The following ARHGEF11 variants were observed in gnomAD, a reference collection of about 807,000 sequenced individuals.
The protein encoded by ARHGEF11 is Rho guanine nucleotide exchange factor 11, also known as Rho guanine exchange factor (GEF) 11.
A neutral mutation model predicts 193.7 loss-of-function variants in ARHGEF11; 55 were observed. The observed-to-expected ratio is 0.28, with a 90% confidence interval of 0.23 to 0.36. ARHGEF11 has a LOEUF of 0.36. Ranked by LOEUF, ARHGEF11 falls within the 10% of genes least tolerant of loss-of-function variation. ARHGEF11 has a pLI of 1.00. For synonymous variants in ARHGEF11, 693 were observed against 768.0 expected (o/e 0.90, Z 1.62); for missense variants, 1,723 against 2,005.6 (o/e 0.86, Z 2.69).
intron 21 of ARHGEF11, among the ~76,000 whole-genome samples, chr1:156,954,195 T>C (rs1299506563): frequency 1.3e-5 from 2 of 151,728 alleles, no homozygotes; most frequent in African/African-American, 4.8e-5. Context: ...GCCTGGCCAA[T>C]ATGGTGAAAC....
chr1:157,024,289 G>A (rs1670375212), intron 1 of ARHGEF11, among the ~76,000 whole-genome samples: 1 of 152,210 alleles, frequency 6.6e-6, no homozygotes, highest in East Asian at 1.9e-4. Flanking sequence ...GAGCGGGAAT[G>A]AGAAGTGACT....
In ARHGEF11 at chr1:156,942,854, C is replaced by CAG. The variant is rs566238699; in HGVS notation, c.3236-76_3236-75dup. Reference sequence around the variant, plus strand: ...GTGACTGCAGCCTGGGCCAGGGTGACAGAGTGGGACTCAAAGCCCTGACCC... The same window carrying CAG: ...GTGACTGCAGCCTGGGCCAGGGTGACAGAGAGTGGGACTCAAAGCCCTGACCC... On this transcript the variant is annotated intron_variant, in intron 32 of 40. Coordinates refer to ENST00000368194, the MANE Select transcript of ARHGEF11 (RefSeq NM_198236.3). 7.9e-3 allele frequency: 10,033 copies of CAG among 1,262,952 alleles called. 67 individuals carry two copies. Among genetic ancestry groups the CAG allele is most frequent in the Non-Finnish European group, 9.7e-3 (8,405 of 868,420 alleles). 78.2% of individuals were successfully genotyped at this position (1,262,952 alleles called of 1,614,324 possible). A position where few individuals can be genotyped will look rare whatever the true frequency, so the allele number is the denominator to read the frequency against.
chr1:157,002,719 T>G (rs1667355526), intron 1 of ARHGEF11, among the ~76,000 whole-genome samples: 1 of 152,216 alleles, frequency 6.6e-6, no homozygotes, highest in Non-Finnish European at 1.5e-5. Flanking sequence ...GCTAAGCATA[T>G]ACTCTTAGTA....
At position 156,968,099 on chromosome 1, in the gene ARHGEF11, A is replaced by G; in HGVS notation, c.851T>C (p.Leu284Pro). 1 of 1,612,334 alleles carries G rather than the reference A, an allele frequency of 6.2e-7. No homozygotes were observed. The highest frequency in any genetic ancestry group is 8.5e-7 in the Non-Finnish European group (1 of 1,178,758). Residue 284 changes from leucine (L) to proline (P), a missense_variant, in exon 11 of 41, where the codon CTG (leucine) becomes CCG (proline). Leu to Pro is a moderately conservative substitution (Grantham distance 98). Transcript: ENST00000368194. ...SESLMNRNSV[L>P]SDPGLDSPRT... is the part of the protein sequence containing the mutation. Reference sequence around the variant, plus strand: ...AGGACTGTCTAGCCCAGGGTCTGACAGTACCGAGTTCCGATTCATCAATGA... The same window carrying G: ...AGGACTGTCTAGCCCAGGGTCTGACGGTACCGAGTTCCGATTCATCAATGA...
chr1:157,004,182 G>A (rs569226350), intron 1 of ARHGEF11, among the ~76,000 whole-genome samples: 5 of 152,088 alleles, frequency 3.3e-5, no homozygotes, highest in Non-Finnish European at 1.5e-5. Context: ...GCTATCTGCC[G>A]CCTCTCTGAA....
chr1:157,014,148 C>T (rs1364773855), intron 1 of ARHGEF11, among the ~76,000 whole-genome samples: 4 of 152,164 alleles, frequency 2.6e-5, no homozygotes, highest in African/African-American at 9.7e-5. Context: ...TTACAGCTCT[C>T]CTCAGCCTCC....
chr1:157,004,579 G>A (rs767817394), intron 1 of ARHGEF11, among the ~76,000 whole-genome samples: 2 of 152,150 alleles, frequency 1.3e-5, no homozygotes, highest in African/African-American at 2.4e-5. Flanking sequence ...CCACTGCATA[G>A]CCGAGAGAGA....
At chr1:157,021,810 A>C (rs1171463801) in intron 1 of ARHGEF11, among the ~76,000 whole-genome samples, 2 of 152,214 alleles carry the variant, frequency 1.3e-5, no homozygotes, top group Admixed American at 6.5e-5. Context: ...TCAAAATATC[A>C]GCAAATTGAA....
In ARHGEF11 at chr1:157,020,423, G is replaced by A. The variant is rs79078202; in HGVS notation, c.32+23876C>T. Among the ~76,000 whole-genome samples, 4 of 152,252 alleles carry A rather than the reference G, an allele frequency of 2.6e-5. No homozygotes were observed. The East Asian group carries it at 7.7e-4, about 29-fold the overall frequency. The stretch of plus-strand genomic sequence containing the variant: ...GATGCAGGTACTCGCTCTTTTTAGT[G>A]GTAATATAAGGCTGTCCCAAAACAT... On this transcript the variant is annotated intron_variant, in intron 1 of 40. Coordinates refer to ENST00000368194, the MANE Select transcript of ARHGEF11 (RefSeq NM_198236.3).
chr1:156,947,486 A>C lies in ARHGEF11; in HGVS notation c.2342-36T>G, dbSNP rs749811203. The C allele has an allele frequency of 2.6e-6, 4 of 1,551,296 alleles. No homozygotes were observed. The Admixed American group carries it at 6.1e-5, about 24-fold the overall frequency. ...GTTGTGACAAGGAGGGTAGAAAGCC[A>C]GGGAGAAAACGGATCAGCAAGTATC... On this transcript the variant is annotated intron_variant, in intron 25 of 40. Coordinates refer to ENST00000368194, the MANE Select transcript of ARHGEF11 (RefSeq NM_198236.3).
At chr1:156,946,354 A>C (rs1196890544) in intron 28 of ARHGEF11, among the ~76,000 whole-genome samples, 192 bp from the exon 29 acceptor site, 1 of 152,196 alleles carries the variant, frequency 6.6e-6, no homozygotes, top group African/African-American at 2.4e-5. Context: ...ACACCAATCC[A>C]AAGGGATATG....
chr1:156,972,961 C>G (rs541584676), intron 7 of ARHGEF11, among the ~76,000 whole-genome samples: 1 of 152,316 alleles, frequency 6.6e-6, no homozygotes, highest in Admixed American at 6.5e-5. Flanking sequence ...AAAAACAAAC[C>G]ACCCCAACAA....
At position 156,935,748 on chromosome 1, in the gene ARHGEF11, C is replaced by T; in HGVS notation, c.*252G>A. 2.0e-6 allele frequency: 1 copy of T among 494,138 alleles called. No homozygotes were observed. Among genetic ancestry groups the T allele is most frequent in the Non-Finnish European group, 3.6e-6 (1 of 277,930 alleles). The allele number at this position is 494,138 out of a possible 1,614,324, so 30.6% of individuals were successfully genotyped here. On this transcript the variant is annotated 3_prime_UTR_variant, in exon 41 of 41. Coordinates refer to ENST00000368194, the MANE Select transcript of ARHGEF11 (RefSeq NM_198236.3). ...ATGGTGAGTGGGGGCCTTTCGGATGCAGTCAGCATGCTTAGGAGACATGAG... is the reference window on the plus strand; with the variant it reads ...ATGGTGAGTGGGGGCCTTTCGGATGTAGTCAGCATGCTTAGGAGACATGAG...
At position 156,979,217 on chromosome 1, in the gene ARHGEF11, T is replaced by C; in HGVS notation, c.331+12A>G. ...GCTTCCCTACTTTAGTTGTCACCTC[T>C]CTCCAACTCACATTTGATCAGCTTT... On this transcript the variant is annotated intron_variant, in intron 5 of 40. Transcript: ENST00000368194. 1.2e-6 allele frequency: 2 copies of C among 1,613,468 alleles called. No individual in the cohort carries two copies. The highest frequency in any genetic ancestry group is 1.7e-6 in the Non-Finnish European group (2 of 1,179,488).
At chr1:156,979,049 T>C (rs1571335492) in intron 5 of ARHGEF11, among the ~76,000 whole-genome samples, 180 bp downstream of exon 5, 2 of 152,184 alleles carry the variant, frequency 1.3e-5, no homozygotes, top group South Asian at 2.1e-4. Context: ...CTTGAAGTAA[T>C]AGGGAATTGT....
chr1:156,981,220 T>G (rs1664130665), intron 3 of ARHGEF11, among the ~76,000 whole-genome samples: 1 of 152,062 alleles, frequency 6.6e-6, no homozygotes. Context: ...AAATTTTTTT[T>G]TTTGTAGAGA....
intron 11 of ARHGEF11, 99 bp from the exon 12 acceptor site, chr1:156,963,693 A>G: frequency 6.5e-7 from 1 of 1,529,772 alleles, no homozygotes; most frequent in South Asian, 1.3e-5. Flanking sequence ...AGCACTCACA[A>G]AGCCACCCGG....
At chr1:157,009,992 A>T (rs1174016493) in intron 1 of ARHGEF11, among the ~76,000 whole-genome samples, 1 of 152,142 alleles carries the variant, frequency 6.6e-6, no homozygotes, top group Non-Finnish European at 1.5e-5. Context: ...CCCACAGCTA[A>T]CATCATACTC....
chr1:156,972,962 AC>A (rs1383094205), intron 7 of ARHGEF11, among the ~76,000 whole-genome samples: 1 of 151,788 alleles, frequency 6.6e-6, no homozygotes, highest in Non-Finnish European at 1.5e-5. Context: ...AAAACAAACC[AC>A]CCCAACAAAA....
Sources: gnomAD v4.1 joint callset for allele counts (sites outside exome capture counted in the v4.1 genomes callset) on GRCh38, gnomAD v4.1.1 for gene constraint, MANE v1.5 for transcripts, NCBI Gene and HGNC (gene_info 2026-07-23, HGNC 2026-07-21) for gene names.